The following KNTC1 variants were observed in gnomAD, a reference collection of about 807,000 sequenced individuals.
KNTC1 encodes the protein kinetochore associated 1.
KNTC1 carries 253 observed loss-of-function variants against 314.4 expected under a neutral mutation model. The observed-to-expected ratio is 0.80, with a 90% CI of 0.73 to 0.89. The LOEUF (loss-of-function observed/expected upper bound fraction) is 0.89, where lower values mean the gene tolerates loss of function less well. Among genes scored for constraint, KNTC1 ranks in the 40% least tolerant of loss-of-function variants. The probability of loss-of-function intolerance (pLI) is 0.00; values close to 1 mark genes in which losing one functional copy is unlikely to be tolerated. For missense variants in KNTC1, 2,475 were observed against 2,572.9 expected, an observed-to-expected ratio of 0.96 and a Z score of 0.82; for synonymous variants, 901 against 901.4, an observed-to-expected ratio of 1.00 and a Z score of 0.01.
At chr12:122,615,429 T>C in intron 56 of KNTC1, 41 bp from the exon 57 acceptor site, 1 of 1,446,964 alleles carries the variant, frequency 6.9e-7, no homozygotes, top group Non-Finnish European at 9.3e-7. Context: ...ATTTTCCATT[T>C]TGGTGGTCTT....
rs758074118 is a variant in KNTC1, at chr12:122,610,809, A to T, written c.5544-13A>T. On this transcript the variant is annotated splice_polypyrimidine_tract_variant and intron_variant, in intron 52 of 63. Coordinates refer to ENST00000333479, the MANE Select transcript of KNTC1 (RefSeq NM_014708.6). ...AAATTAAAAAATGACTGTAATTAAA[A>T]TTTTTTTTCCAGAGTGCAGTATCTC... 7.0e-6 allele frequency: 11 copies of T among 1,577,998 alleles called. No individual in the cohort carries two copies. The highest frequency in any genetic ancestry group is 2.2e-5 in the South Asian group (2 of 89,246).
intron 19 of KNTC1, among the ~76,000 whole-genome samples, 189 bp from the exon 20 acceptor site, chr12:122,562,449 G>A (rs1475717639): frequency 1.1e-5 from 1 of 93,322 alleles, no homozygotes; most frequent in Non-Finnish European, 2.6e-5. Context: ...TTGTGTGTGT[G>A]TGTGTGTGTG....
intron 63 of KNTC1, among the ~76,000 whole-genome samples, 190 bp from the exon 64 acceptor site, chr12:122,626,015 A>C (rs1593706675): frequency 6.6e-6 from 1 of 151,990 alleles, no homozygotes; most frequent in African/African-American, 2.4e-5. Flanking sequence ...TTTTTTTCAG[A>C]AGGGGAGAGT....
chr12:122,619,026 G>GTTTTGTT lies in KNTC1; in HGVS notation c.6149+506_6149+512dup, dbSNP rs373238724. 1.5e-3 allele frequency among the ~76,000 whole-genome samples: 225 copies of GTTTTGTT among 150,342 alleles called. 1 individual carries two copies. The highest frequency in any genetic ancestry group is 5.1e-3 in the African/African-American group (207 of 40,914). ...TGAGGCACTGCGCCCAGCAACACTT[G>GTTTTGTT]TTTTGTTTTTTGTTTTTTGTTTTTT... On this transcript the variant is annotated intron_variant, in intron 59 of 63. Transcript: ENST00000333479.
At chr12:122,596,532 T>TA (rs1218125628) in intron 43 of KNTC1, among the ~76,000 whole-genome samples, 189 of 140,880 alleles carry the variant, frequency 1.3e-3, no homozygotes, top group Admixed American at 1.1e-3. Flanking sequence ...TTTTTATCTT[T>TA]AAAAAAAAAA....
chr12:122,586,594 G>T (rs1382530663), intron 37 of KNTC1, 107 bp from the exon 38 acceptor site: 4 of 303,384 alleles, frequency 1.3e-5, no homozygotes, highest in East Asian at 1.2e-4. Flanking sequence ...GAATTTAAGG[G>T]GTCCAAGTGC....
intron 55 of KNTC1, 109 bp from the exon 56 acceptor site, chr12:122,614,880 CAA>C (rs35997194): frequency 5.9e-3 from 3,130 of 527,342 alleles, no homozygotes; most frequent in East Asian, 7.6e-3. Context: ...GACTCCATCT[CAA>C]AAAAAAAAAA....
chr12:122,623,387 G>C (rs975381679), intron 62 of KNTC1, among the ~76,000 whole-genome samples: 6 of 152,174 alleles, frequency 3.9e-5, no homozygotes, highest in African/African-American at 4.8e-5. Flanking sequence ...GTACACACCA[G>C]ATCCATCCCT....
rs762051647 is a variant in KNTC1 at position 122,624,637 on chromosome 12, G to T, written c.6555G>T (p.Lys2185Asn). ...CAGTCTTGATAACTGAATATTCAAAGCACTGCGGGAAACCTGTGCCTCCAG... is the reference window on the plus strand; with the variant it reads ...CAGTCTTGATAACTGAATATTCAAATCACTGCGGGAAACCTGTGCCTCCAG... The part of the protein sequence containing the change: ...EASVLITEYS[K>N]HCGKPVPPDT... The change falls in exon 63 of 64, where the codon AAG (lysine) becomes AAT (asparagine). Residue 2185 changes from lysine (K) to asparagine (N), a missense_variant. Physicochemically the swap from Lys to Asn is moderately conservative, Grantham distance 94. Coordinates refer to ENST00000333479, the MANE Select transcript of KNTC1 (RefSeq NM_014708.6). 27 of 1,613,516 alleles carry T rather than the reference G, an allele frequency of 1.7e-5. No homozygotes were observed. In the East Asian group the frequency reaches 6.0e-4, roughly 36 times the overall value.
At chr12:122,594,130 T>G (rs1593638565) in intron 42 of KNTC1, 146 bp from the exon 43 acceptor site, 1 of 592,712 alleles carries the variant, frequency 1.7e-6, no homozygotes. Context: ...GATGGCTGGG[T>G]TGGGTAGTGT....
intron 44 of KNTC1, among the ~76,000 whole-genome samples, chr12:122,600,124 A>T (rs1871651093): frequency 6.6e-6 from 1 of 152,102 alleles, no homozygotes; most frequent in Non-Finnish European, 1.5e-5. Flanking sequence ...TTTTGAGATG[A>T]AATCTCACCC....
intron 16 of KNTC1, among the ~76,000 whole-genome samples, chr12:122,554,076 A>AAAAAAAATATATATATATATATATATAT (rs370146333): frequency 9.2e-6 from 1 of 109,064 alleles, no homozygotes; most frequent in African/African-American, 3.9e-5. Flanking sequence ...AAAAAAAAAA[A>AAAAAAAATATATATATATATATATATAT]ATATATATAT....
At chr12:122,572,309 C>T (rs1247743229) in intron 24 of KNTC1, among the ~76,000 whole-genome samples, 2 of 151,942 alleles carry the variant, frequency 1.3e-5, no homozygotes, top group Admixed American at 6.6e-5. Context: ...GCAGGAGAAT[C>T]GCTTGAAACG....
intron 16 of KNTC1, among the ~76,000 whole-genome samples, chr12:122,556,551 G>T (rs1367194197): frequency 1.4e-5 from 2 of 139,494 alleles, no homozygotes; most frequent in Non-Finnish European, 3.0e-5. Flanking sequence ...TCTGCTCACT[G>T]CAAGCTCCGC....
chr12:122,585,697 A>C lies in KNTC1; in HGVS notation c.3596A>C (p.Glu1199Ala). ...EEWSYSDFFS[E>A]DGIVLESQMV... ...TGGTCTTACAGTGACTTCTTCAGTGAAGATGGAATTGTTCTTGAGTCACAG... is the reference window on the plus strand; with the variant it reads ...TGGTCTTACAGTGACTTCTTCAGTGCAGATGGAATTGTTCTTGAGTCACAG... The change falls in exon 37 of 64, where the codon GAA (glutamate) becomes GCA (alanine). Residue 1199 changes from glutamate to alanine, a missense_variant. Physicochemically the swap from Glu to Ala is moderately radical, Grantham distance 107. Coordinates refer to ENST00000333479, the MANE Select transcript of KNTC1 (RefSeq NM_014708.6). 1 of 1,613,720 alleles carries C rather than the reference A, an allele frequency of 6.2e-7. No homozygotes were observed. The highest frequency in any genetic ancestry group is 8.5e-7 in the Non-Finnish European group (1 of 1,179,610).
At chr12:122,560,069 T>C (rs2137834787) in intron 18 of KNTC1, among the ~76,000 whole-genome samples, 1 of 152,302 alleles carries the variant, frequency 6.6e-6, no homozygotes, top group African/African-American at 2.4e-5. Context: ...CTACTCTAAG[T>C]ACCTTATATT....
At chr12:122,565,672 C>G (rs1341082528) in intron 20 of KNTC1, among the ~76,000 whole-genome samples, 1 of 151,790 alleles carries the variant, frequency 6.6e-6, no homozygotes, top group Non-Finnish European at 1.5e-5. Context: ...GGATCGCTTC[C>G]CAGGAGTTCA....
intron 51 of KNTC1, among the ~76,000 whole-genome samples, chr12:122,607,322 C>G (rs955566461): frequency 1.9e-4 from 29 of 152,162 alleles, no homozygotes; most frequent in African/African-American, 6.5e-4. Flanking sequence ...CCTTGGCCTC[C>G]CAAAGTGCTG....
chr12:122,575,707 T>A (rs1964970697), intron 28 of KNTC1, 61 bp downstream of exon 28: 1 of 1,478,426 alleles, frequency 6.8e-7, no homozygotes, highest in Non-Finnish European at 9.3e-7. Context: ...TGTTTTGAGT[T>A]GACGTTCATT....
Sources: allele counts gnomAD v4.1 joint callset (sites outside exome capture counted in the v4.1 genomes callset), GRCh38; gene constraint gnomAD v4.1.1; transcripts MANE v1.5; gene names NCBI Gene and HGNC (gene_info 2026-07-23, HGNC 2026-07-21).